Variants in STXBP5L observed in about 807,000 individuals in gnomAD.
STXBP5L encodes the protein syntaxin-binding protein 5-like.
In STXBP5L, 65 loss-of-function variants were observed where a neutral mutation model predicts 144.5. That is an observed-to-expected ratio of 0.45 (90% confidence interval 0.37 to 0.55). The LOEUF (loss-of-function observed/expected upper bound fraction) is 0.55. STXBP5L is among the 20% of genes least tolerant of loss of function. The pLI is 0.00. For synonymous variants in STXBP5L, 505 were observed against 469.6 expected (o/e 1.08, Z -0.97); for missense variants, 1,298 against 1,405.5 (o/e 0.92, Z 1.22).
chr3:120,962,940 T>G (rs1388052607), intron 3 of STXBP5L, among the ~76,000 whole-genome samples: 1 of 152,258 alleles, frequency 6.6e-6, no homozygotes, highest in African/African-American at 2.4e-5. Context: ...TTGTGTCCTC[T>G]TTTATTTCAT....
At chr3:121,002,692 C>T (rs765129953) in intron 3 of STXBP5L, among the ~76,000 whole-genome samples, 6 of 152,000 alleles carry the variant, frequency 3.9e-5, no homozygotes, top group Non-Finnish European at 7.4e-5. Context: ...CCTCCTAATG[C>T]AATCCCTCCC....
rs149487178 is a variant in STXBP5L at position 121,281,417 on chromosome 3, A to T, written c.2110+1461A>T. On this transcript the variant is annotated intron_variant, in intron 19 of 26. Coordinates refer to ENST00000471454, the MANE Select transcript of STXBP5L (RefSeq NM_001308330.2). ...TCACATAACGTGAGGTTTCCTCATGATTAGGAAAGACAAGTTTGAAGTTGA... is the reference window on the plus strand; with the variant it reads ...TCACATAACGTGAGGTTTCCTCATGTTTAGGAAAGACAAGTTTGAAGTTGA... Among the ~76,000 whole-genome samples, 406 of 152,150 alleles carry T rather than the reference A, an allele frequency of 2.7e-3. 5 individuals carry two copies. Among genetic ancestry groups the T allele is most frequent in the South Asian group, 0.021 (101 of 4,834 alleles).
At chr3:121,386,096 A>G (rs570715042) in intron 22 of STXBP5L, among the ~76,000 whole-genome samples, 1 of 152,072 alleles carries the variant, frequency 6.6e-6, no homozygotes, top group Non-Finnish European at 1.5e-5. Flanking sequence ...TCTAAACTGC[A>G]ATAAGAACTA....
intron 5 of STXBP5L, among the ~76,000 whole-genome samples, chr3:121,052,952 A>G (rs534748644): frequency 6.6e-6 from 1 of 152,326 alleles, no homozygotes; most frequent in South Asian, 2.1e-4. Context: ...TACACAAATA[A>G]CAGACAAACA....
chr3:121,232,647 T>G (rs2049345030), intron 11 of STXBP5L, among the ~76,000 whole-genome samples: 1 of 152,152 alleles, frequency 6.6e-6, no homozygotes, highest in Admixed American at 6.5e-5. Flanking sequence ...GGTCACCAAC[T>G]TTGTTATTGA....
intron 17 of STXBP5L, among the ~76,000 whole-genome samples, chr3:121,258,699 T>C (rs769841829): frequency 1.1e-4 from 17 of 152,158 alleles, no homozygotes; most frequent in Non-Finnish European, 2.2e-4. Context: ...ATTTGTTTTA[T>C]TGTTATGCTT....
chr3:121,301,195 C>T (rs1577398524), intron 19 of STXBP5L, among the ~76,000 whole-genome samples: 2 of 152,294 alleles, frequency 1.3e-5, no homozygotes. Context: ...AATGTTCTTC[C>T]ATTTGTTTGT....
chr3:121,028,646 A>G (rs974794670), intron 3 of STXBP5L, among the ~76,000 whole-genome samples: 19 of 152,064 alleles, frequency 1.2e-4, no homozygotes, highest in Admixed American at 6.6e-4. Flanking sequence ...TTCTTTGGAG[A>G]TCTTGTATAA....
At chr3:120,942,162 T>C (rs1445189885) in intron 2 of STXBP5L, among the ~76,000 whole-genome samples, 1 of 151,700 alleles carries the variant, frequency 6.6e-6, no homozygotes, top group Non-Finnish European at 1.5e-5. Context: ...TGAAGATACT[T>C]TGAAAAGATA....
intron 7 of STXBP5L, among the ~76,000 whole-genome samples, chr3:121,130,986 C>G (rs2044960076): frequency 6.6e-6 from 1 of 151,566 alleles, no homozygotes; most frequent in East Asian, 1.9e-4. Flanking sequence ...ACACAGAAAG[C>G]TAGAAAAACG....
chr3:121,274,362 T>C (rs2050818665), intron 18 of STXBP5L, among the ~76,000 whole-genome samples: 2 of 152,248 alleles, frequency 1.3e-5, no homozygotes, highest in African/African-American at 4.8e-5. Context: ...ACTGCAGGTA[T>C]CCATGGCAGA....
chr3:121,102,170 C>G (rs1466120715), intron 5 of STXBP5L, among the ~76,000 whole-genome samples: 1 of 149,166 alleles, frequency 6.7e-6, no homozygotes, highest in Non-Finnish European at 1.5e-5. Context: ...CTATACTTAT[C>G]AAACTACCAG....
chr3:121,328,014 A>G (rs1450035613), intron 20 of STXBP5L, among the ~76,000 whole-genome samples: 1 of 152,214 alleles, frequency 6.6e-6, no homozygotes, highest in Non-Finnish European at 1.5e-5. Flanking sequence ...GGAGATTTTT[A>G]GAGAAAATAA....
intron 10 of STXBP5L, among the ~76,000 whole-genome samples, chr3:121,210,143 G>T (rs533515912): frequency 3.9e-5 from 6 of 151,956 alleles, no homozygotes; most frequent in Admixed American, 2.6e-4. Flanking sequence ...GTGTGAGATG[G>T]TATCTCATTG....
intron 22 of STXBP5L, among the ~76,000 whole-genome samples, chr3:121,384,543 T>C (rs780341513): frequency 3.3e-5 from 5 of 151,900 alleles, no homozygotes; most frequent in Non-Finnish European, 5.9e-5. Context: ...ACAGTGTGAG[T>C]AAAAATCTAG....
chr3:121,275,122 A>G (rs759193630), intron 18 of STXBP5L, among the ~76,000 whole-genome samples: 2 of 152,162 alleles, frequency 1.3e-5, no homozygotes, highest in Non-Finnish European at 2.9e-5. Context: ...TCTTTATACC[A>G]ATACCGGCCT....
At chr3:120,967,578 TG>T (rs1260056547) in intron 3 of STXBP5L, among the ~76,000 whole-genome samples, 1 of 152,212 alleles carries the variant, frequency 6.6e-6, no homozygotes, top group Non-Finnish European at 1.5e-5. Flanking sequence ...TGTTGATATT[TG>T]TTTAGTCTCA....
intron 3 of STXBP5L, among the ~76,000 whole-genome samples, chr3:120,977,137 C>T (rs988381887): frequency 1.3e-5 from 2 of 152,122 alleles, no homozygotes; most frequent in Non-Finnish European, 2.9e-5. Flanking sequence ...CTAATGTTGA[C>T]AGTGGGGTGT....
At chr3:121,383,527 A>G (rs1371570610) in intron 22 of STXBP5L, among the ~76,000 whole-genome samples, 1 of 152,140 alleles carries the variant, frequency 6.6e-6, no homozygotes, top group East Asian at 1.9e-4. Flanking sequence ...TTTAAATCTG[A>G]AACTGCTGTT....
Sources: allele counts gnomAD v4.1 joint callset (sites outside exome capture counted in the v4.1 genomes callset), GRCh38; gene constraint gnomAD v4.1.1; transcripts MANE v1.5; gene names NCBI Gene and HGNC (gene_info 2026-07-23, HGNC 2026-07-21).